KCNH7: variants seen among roughly 807,000 people sequenced by gnomAD.
The protein encoded by KCNH7 is potassium voltage-gated channel subfamily H member 7.
A neutral mutation model predicts 120.8 loss-of-function variants in KCNH7; 49 were observed. The observed-to-expected ratio is 0.41, with a 90% CI of 0.32 to 0.51. The LOEUF (loss-of-function observed/expected upper bound fraction) is 0.51. KCNH7 is among the 20% of genes least tolerant of loss of function. The pLI is 0.38. For synonymous variants in KCNH7, 547 were observed against 516.1 expected (o/e 1.06, Z -0.81); for missense variants, 1,097 against 1,446.6 (o/e 0.76, Z 3.92).
chr2:162,513,643 T>G (rs1691189406), intron 4 of KCNH7, among the ~76,000 whole-genome samples: 1 of 151,580 alleles, frequency 6.6e-6, no homozygotes, highest in Non-Finnish European at 1.5e-5. Context: ...CCAGTCTGCC[T>G]GGCTCCACTC....
intron 2 of KCNH7, among the ~76,000 whole-genome samples, chr2:162,788,152 C>T (rs1683782110): frequency 6.6e-6 from 1 of 152,016 alleles, no homozygotes; most frequent in East Asian, 1.9e-4. Flanking sequence ...AATGAAAATC[C>T]ATGAACTGTG....
chr2:162,424,771 C>T (rs1008424560), intron 8 of KCNH7, among the ~76,000 whole-genome samples: 1 of 152,158 alleles, frequency 6.6e-6, no homozygotes, highest in Non-Finnish European at 1.5e-5. Flanking sequence ...TATCAAGATC[C>T]TTATGTACCA....
chr2:162,827,708 T>C (rs906833825), intron 2 of KCNH7, among the ~76,000 whole-genome samples: 7 of 152,276 alleles, frequency 4.6e-5, no homozygotes, highest in African/African-American at 1.7e-4. Context: ...GGTGTATCAT[T>C]TGGAGGCAAT....
chr2:162,721,726 T>C (rs1320541398), intron 2 of KCNH7, among the ~76,000 whole-genome samples: 1 of 152,086 alleles, frequency 6.6e-6, no homozygotes, highest in Non-Finnish European at 1.5e-5. Flanking sequence ...TTCAAAGACA[T>C]TTTGAAGGCC....
At chr2:162,731,607 G>T (rs528577954) in intron 2 of KCNH7, among the ~76,000 whole-genome samples, 119 of 151,828 alleles carry the variant, frequency 7.8e-4, no homozygotes, top group African/African-American at 2.8e-3. Flanking sequence ...CAAGCAATAT[G>T]ATACCTTATT....
intron 2 of KCNH7, among the ~76,000 whole-genome samples, chr2:162,710,751 C>T (rs573656915): frequency 1.2e-4 from 19 of 152,238 alleles, no homozygotes; most frequent in Non-Finnish European, 2.4e-4. Context: ...TGCTACTTAG[C>T]TTTGGTTGAT....
intron 6 of KCNH7, among the ~76,000 whole-genome samples, chr2:162,456,475 A>G (rs1688967804): frequency 6.6e-6 from 1 of 152,136 alleles, no homozygotes; most frequent in South Asian, 2.1e-4. Flanking sequence ...AGAAGAATGT[A>G]TATTCTACTG....
At chr2:162,758,159 G>A (rs1400989004) in intron 2 of KCNH7, among the ~76,000 whole-genome samples, 1 of 152,140 alleles carries the variant, frequency 6.6e-6, no homozygotes, top group African/African-American at 2.4e-5. Flanking sequence ...AAAAGTGGAT[G>A]TGTTTAATTA....
chr2:162,785,869 T>A (rs561075022), intron 2 of KCNH7, among the ~76,000 whole-genome samples: 1 of 152,330 alleles, frequency 6.6e-6, no homozygotes, highest in South Asian at 2.1e-4. Flanking sequence ...ATTGTAACTG[T>A]ACCACTCTTA....
intron 6 of KCNH7, among the ~76,000 whole-genome samples, chr2:162,484,176 C>T (rs987123633): frequency 4.6e-5 from 7 of 151,664 alleles, no homozygotes; most frequent in Non-Finnish European, 1.0e-4. Context: ...CAGAACTAGA[C>T]CAAATTTATT....
rs138224629 is a variant in KCNH7 at position 162,487,740 on chromosome 2, AC to A, written c.1128+16702del. ...GAAAATGTATTACCCACAATCTCACACCCAGATAATCAATGAGACCTTTTAT... is the reference window on the plus strand; with the variant it reads ...GAAAATGTATTACCCACAATCTCACACCAGATAATCAATGAGACCTTTTAT... On this transcript the variant is annotated intron_variant, in intron 6 of 15. Transcript: ENST00000332142. 7.5e-3 allele frequency among the ~76,000 whole-genome samples: 1,145 copies of A among 152,288 alleles called. 16 individuals are homozygous for A. Among genetic ancestry groups the A allele is most frequent in the African/African-American group, 0.026 (1,094 of 41,566 alleles).
chr2:162,716,713 T>C (rs924148171), intron 2 of KCNH7, among the ~76,000 whole-genome samples: 1 of 152,140 alleles, frequency 6.6e-6, no homozygotes, highest in African/African-American at 2.4e-5. Context: ...ATGCTATAAG[T>C]TTATGTGAAG....
At chr2:162,630,143 A>G (rs1574193928) in intron 2 of KCNH7, among the ~76,000 whole-genome samples, 1 of 152,136 alleles carries the variant, frequency 6.6e-6, no homozygotes, top group East Asian at 1.9e-4. Flanking sequence ...TCCCATAGGC[A>G]TGAAAATAAC....
At chr2:162,587,909 T>G (rs1694069871) in intron 2 of KCNH7, among the ~76,000 whole-genome samples, 1 of 152,100 alleles carries the variant, frequency 6.6e-6, no homozygotes, top group Non-Finnish European at 1.5e-5. Flanking sequence ...GAATACAAGC[T>G]AACAGCCGAC....
chr2:162,437,833 A>C (rs1416241033), intron 7 of KCNH7, among the ~76,000 whole-genome samples: 6 of 152,112 alleles, frequency 3.9e-5, no homozygotes, highest in African/African-American at 1.4e-4. Flanking sequence ...ATCTGGAATC[A>C]CAAGTGGGGG....
intron 7 of KCNH7, among the ~76,000 whole-genome samples, chr2:162,442,817 C>G (rs1199771747): frequency 6.6e-6 from 1 of 152,188 alleles, no homozygotes; most frequent in Non-Finnish European, 1.5e-5. Context: ...GATCACACCA[C>G]TGCACACTAG....
At chr2:162,551,797 T>C (rs976194447) in intron 2 of KCNH7, among the ~76,000 whole-genome samples, 3 of 152,102 alleles carry the variant, frequency 2.0e-5, no homozygotes, top group African/African-American at 7.2e-5. Flanking sequence ...TAATGATCCA[T>C]GTGTGGGTCC....
intron 2 of KCNH7, among the ~76,000 whole-genome samples, chr2:162,779,401 A>G (rs1324365599): frequency 6.6e-6 from 1 of 152,008 alleles, no homozygotes; most frequent in Non-Finnish European, 1.5e-5. Context: ...GGGTTTCACC[A>G]TGTTGGCCAG....
chr2:162,622,391 CAT>C (rs920846791), intron 2 of KCNH7, among the ~76,000 whole-genome samples: 25 of 152,228 alleles, frequency 1.6e-4, no homozygotes, highest in African/African-American at 5.8e-4. Context: ...TTGGGTCTAA[CAT>C]AACTATTTTG....
Sources: allele counts gnomAD v4.1 joint callset (sites outside exome capture counted in the v4.1 genomes callset), GRCh38; gene constraint gnomAD v4.1.1; transcripts MANE v1.5; gene names NCBI Gene and HGNC (gene_info 2026-07-23, HGNC 2026-07-21).